WDFY4: variants seen among roughly 807,000 people sequenced by gnomAD.
The protein encoded by WDFY4 is WD repeat- and FYVE domain-containing protein 4.
Under a neutral mutation model 351.9 loss-of-function variants are expected in WDFY4, and 169 were observed. That is an observed-to-expected ratio of 0.48 (90% CI 0.42 to 0.55). WDFY4 has a LOEUF of 0.55. Ranked by LOEUF, WDFY4 falls within the 20% of genes least tolerant of loss-of-function variation. The pLI, the probability that WDFY4 is intolerant of heterozygous loss-of-function variation, is 0.00. For synonymous variants in WDFY4, 1,622 were observed against 1,574.6 expected (o/e 1.03, Z -0.71); for missense variants, 3,803 against 3,935.6 (o/e 0.97, Z 0.90).
intron 39 of WDFY4, among the ~76,000 whole-genome samples, chr10:48,841,397 A>ATT (rs546084851): frequency 1.4e-5 from 2 of 141,690 alleles, no homozygotes; most frequent in Non-Finnish European, 3.1e-5. Flanking sequence ...ATCACAACTG[A>ATT]TTTTTTTTTT....
chr10:48,719,289 A>G (rs1225924602), intron 2 of WDFY4, among the ~76,000 whole-genome samples: 1 of 152,232 alleles, frequency 6.6e-6, no homozygotes, highest in Non-Finnish European at 1.5e-5. Context: ...CAATCAAGAA[A>G]CATGAAAAGA....
chr10:48,719,749 A>T (rs886150999), intron 2 of WDFY4, among the ~76,000 whole-genome samples: 1 of 152,152 alleles, frequency 6.6e-6, no homozygotes, highest in Admixed American at 6.5e-5. Flanking sequence ...GCTGTGGGGA[A>T]GGCGGTGGAC....
At chr10:48,689,767 A>G (rs1420630686) in intron 1 of WDFY4, among the ~76,000 whole-genome samples, 1 of 152,246 alleles carries the variant, frequency 6.6e-6, no homozygotes, top group African/African-American at 2.4e-5. Flanking sequence ...AAATAATTCC[A>G]AGGAGAAAGA....
At chr10:48,880,728 G>A (rs894673389) in intron 43 of WDFY4, among the ~76,000 whole-genome samples, 2 of 152,220 alleles carry the variant, frequency 1.3e-5, no homozygotes, top group African/African-American at 4.8e-5. Flanking sequence ...ATCCGTCCTT[G>A]CCTGAGATGT....
chr10:48,901,463 T>A (rs1273315001), intron 46 of WDFY4, among the ~76,000 whole-genome samples: 2 of 152,250 alleles, frequency 1.3e-5, no homozygotes, highest in Non-Finnish European at 2.9e-5. Context: ...AGATGGCATT[T>A]GTCCTCACAG....
At position 48,776,948 on chromosome 10, in the gene WDFY4, C is replaced by G. The variant is rs1161839717; in HGVS notation, c.3062C>G (p.Ser1021Trp). 1 of 1,552,230 alleles carries G rather than the reference C, an allele frequency of 6.4e-7. No homozygotes were observed. The highest frequency in any genetic ancestry group is 8.7e-7 in the Non-Finnish European group (1 of 1,147,136). ...LQPQRAALAP[S>W]FVEFDMSVEG... ...CCTCAGAGGGCAGCCCTGGCCCCAT[C>G]GTTTGTGGAATTTGACATGTCCGTG... Residue 1021 changes from serine (S) to tryptophan (W), a missense_variant, in exon 16 of 62, where the codon TCG becomes TGG. Ser to Trp is a radical substitution (Grantham distance 177). This residue lies in a region of WDFY4 where 3,054 missense variants were observed against 3,148.6 expected (regional missense o/e 0.97). Coordinates refer to ENST00000325239, the MANE Select transcript of WDFY4 (RefSeq NM_001394531.1).
intron 39 of WDFY4, among the ~76,000 whole-genome samples, chr10:48,864,436 G>A (rs952619684): frequency 3.9e-5 from 6 of 152,136 alleles, no homozygotes; most frequent in African/African-American, 7.2e-5. Flanking sequence ...TTCCATTGAT[G>A]TATATATCTA....
At chr10:48,982,130 G>A (rs992952909) in intron 61 of WDFY4, among the ~76,000 whole-genome samples, 1 of 152,200 alleles carries the variant, frequency 6.6e-6, no homozygotes, top group Non-Finnish European at 1.5e-5. Flanking sequence ...AGTGGGGTGG[G>A]CATGATGGTA....
At chr10:48,942,713 C>T (rs1049248835) in intron 48 of WDFY4, among the ~76,000 whole-genome samples, 1 of 152,242 alleles carries the variant, frequency 6.6e-6, no homozygotes, top group African/African-American at 2.4e-5. Flanking sequence ...AACATACAGG[C>T]CACATGTCAG....
chr10:48,793,750 A>C (rs141072184), intron 23 of WDFY4, among the ~76,000 whole-genome samples: 1 of 152,344 alleles, frequency 6.6e-6, no homozygotes, highest in East Asian at 1.9e-4. Flanking sequence ...TTGAGGAATG[A>C]ATCCGTGAAT....
intron 2 of WDFY4, among the ~76,000 whole-genome samples, chr10:48,714,793 T>C (rs1240336300): frequency 1.3e-5 from 2 of 152,226 alleles, no homozygotes; most frequent in Non-Finnish European, 2.9e-5. Flanking sequence ...GTGTCTGAGA[T>C]AGACAACTTG....
Position 48,820,385 on chromosome 10 carries a change from T to C in WDFY4, c.5657T>C (p.Leu1886Pro), listed in dbSNP as rs1018733656. 5.2e-6 allele frequency: 8 copies of C among 1,551,528 alleles called. No individual in the cohort carries two copies. In the African/African-American group the frequency reaches 8.2e-5, roughly 16 times the overall value. ...ACGCAGCTCCTCTTGAGGGAGCTCC[T>C]GCTTGGAGCCTCCAGCCCCAAGCAG... ...EFTQLLLREL[L>P]LGASSPKQWL... Residue 1886 changes from leucine to proline, a missense_variant, in exon 33 of 62, where the codon CTG (leucine) becomes CCG (proline). Coordinates refer to ENST00000325239, the MANE Select transcript of WDFY4 (RefSeq NM_001394531.1).
chr10:48,760,347 G>A lies in WDFY4; in HGVS notation c.2460G>A (p.Arg820=), dbSNP rs929825056. 1.6e-5 allele frequency: 25 copies of A among 1,551,442 alleles called. No individual in the cohort carries two copies. Among genetic ancestry groups the A allele is most frequent in the Non-Finnish European group, 2.2e-5 (25 of 1,146,958 alleles). The change falls in exon 13 of 62, where the codon AGG becomes AGA. Residue 820 remains arginine (R), a splice_region_variant and synonymous_variant. Coordinates refer to ENST00000325239, the MANE Select transcript of WDFY4 (RefSeq NM_001394531.1). Reference sequence around the variant, plus strand: ...TGTCTGGCTCTCCCTCTCTCTGCAGGATGGATGAGGGAGATGCTGCAATCA... The same window carrying A: ...TGTCTGGCTCTCCCTCTCTCTGCAGAATGGATGAGGGAGATGCTGCAATCA... ...NFKQWPDLEE[R]MDEGDAAIMH...
chr10:48,867,787 G>A (rs758757908), intron 40 of WDFY4, among the ~76,000 whole-genome samples: 8 of 152,114 alleles, frequency 5.3e-5, no homozygotes, highest in Non-Finnish European at 7.4e-5. Flanking sequence ...TTTTTATTTG[G>A]TGTTACTGTT....
intron 12 of WDFY4, among the ~76,000 whole-genome samples, chr10:48,758,495 C>T (rs1036533073): frequency 2.0e-5 from 3 of 152,134 alleles, no homozygotes; most frequent in Admixed American, 6.5e-5. Context: ...ACTTCTCAAA[C>T]GTTTTTTCTT....
Position 48,941,994 on chromosome 10 carries a change from C to T in WDFY4, c.7629+146C>T, listed in dbSNP as rs1012415128. On this transcript the variant is annotated intron_variant, in intron 48 of 61. Transcript: ENST00000325239. Reference sequence around the variant, plus strand: ...TTATTATTTCTTTGAGATGGAGTTTCACTCTTGTTGCCCAAGCTGGAGTGC... The same window carrying T: ...TTATTATTTCTTTGAGATGGAGTTTTACTCTTGTTGCCCAAGCTGGAGTGC... 1.2e-5 allele frequency: 10 copies of T among 866,082 alleles called. No homozygotes were observed. The Admixed American group carries it at 1.6e-4, about 14-fold the overall frequency. The allele number at this position is 866,082 out of a possible 1,614,324, so 53.6% of individuals were successfully genotyped here. A position where few individuals can be genotyped will look rare whatever the true frequency, so the allele number is the denominator to read the frequency against.
chr10:48,821,296 A>C (rs2067815483), intron 34 of WDFY4, 120 bp downstream of exon 34: 9 of 753,442 alleles, frequency 1.2e-5, no homozygotes, highest in Non-Finnish European at 2.0e-5. Context: ...ACCTGGCGTC[A>C]GTCCCTCCAG....
chr10:48,875,664 C>G (rs2069969847), intron 42 of WDFY4, among the ~76,000 whole-genome samples: 1 of 152,240 alleles, frequency 6.6e-6, no homozygotes, highest in Non-Finnish European at 1.5e-5. Flanking sequence ...ATCCACCTGC[C>G]TTGGCCTCCC....
intron 17 of WDFY4, 110 bp from the exon 18 acceptor site, chr10:48,778,501 G>C (rs1280397918): frequency 1.8e-6 from 2 of 1,088,234 alleles, no homozygotes; most frequent in African/African-American, 3.1e-5. Context: ...GATTAGGCAA[G>C]ACACCCAGTA....
Sources: gnomAD v4.1 joint callset for allele counts (sites outside exome capture counted in the v4.1 genomes callset) on GRCh38, gnomAD v4.1.1 for gene constraint, gnomAD v4.1.1 regional missense constraint, MANE v1.5 for transcripts, NCBI Gene and HGNC (gene_info 2026-07-23, HGNC 2026-07-21) for gene names.